The following BACE2 variants were observed in gnomAD, a reference collection of about 807,000 sequenced individuals.
BACE2 encodes 56 kDa aspartic-like protease.
BACE2 carries 17 observed loss-of-function variants against 46.2 expected under a neutral mutation model. The observed-to-expected ratio is 0.37, with a 90% confidence interval of 0.25 to 0.55. The LOEUF (loss-of-function observed/expected upper bound fraction) is 0.55. Ranked by LOEUF, BACE2 falls within the 20% of genes least tolerant of loss-of-function variation. The pLI is 0.82. For missense variants in BACE2, 595 were observed against 698.1 expected (o/e 0.85, Z 1.66); for synonymous variants, 277 against 295.9 (o/e 0.94, Z 0.66).
At chr21:41,230,705 G>A (rs1329522726) in intron 2 of BACE2, among the ~76,000 whole-genome samples, 2 of 152,128 alleles carry the variant, frequency 1.3e-5, no homozygotes, top group African/African-American at 4.8e-5. Flanking sequence ...GGGGTTCTTT[G>A]ACAAGATCTC....
At chr21:41,270,244 C>T (rs1057025133) in intron 8 of BACE2, among the ~76,000 whole-genome samples, 1 of 152,136 alleles carries the variant, frequency 6.6e-6, no homozygotes, top group Non-Finnish European at 1.5e-5. Context: ...AGTCCTTTAT[C>T]AGAAATTTGG....
chr21:41,264,185 G>A (rs962619030), intron 8 of BACE2, among the ~76,000 whole-genome samples: 4 of 150,032 alleles, frequency 2.7e-5, no homozygotes, highest in African/African-American at 9.8e-5. Flanking sequence ...ATTGTTTTTG[G>A]ATTCTTTAAT....
intron 1 of BACE2, among the ~76,000 whole-genome samples, chr21:41,185,485 G>C (rs905317428): frequency 6.6e-6 from 1 of 152,238 alleles, no homozygotes; most frequent in South Asian, 2.1e-4. Context: ...CAATTCCTTT[G>C]ACCAAGAGCA....
chr21:41,263,462 C>A (rs908684047), intron 8 of BACE2, among the ~76,000 whole-genome samples: 1 of 152,156 alleles, frequency 6.6e-6, no homozygotes, highest in African/African-American at 2.4e-5. Flanking sequence ...AACAGATGAA[C>A]AATTGTTGAC....
In BACE2 at chr21:41,243,547, T is replaced by C; in HGVS notation, c.882+37T>C. The C allele has an allele frequency of 1.9e-6, 3 of 1,570,784 alleles. 1 individual carries two copies. The highest frequency in any genetic ancestry group is 3.4e-4 in the Middle Eastern group (2 of 5,902). The stretch of plus-strand genomic sequence containing the variant: ...ATGGTCTCTGTTGTGTCTTTCTGTG[T>C]ATGTCTGGGTCCCTTAAATATGCCA... On this transcript the variant is annotated intron_variant, in intron 5 of 8. Coordinates refer to ENST00000330333, the MANE Select transcript of BACE2 (RefSeq NM_012105.5).
intron 1 of BACE2, among the ~76,000 whole-genome samples, chr21:41,174,105 C>G (rs1193106268): frequency 1.4e-5 from 2 of 140,758 alleles, no homozygotes; most frequent in Non-Finnish European, 3.0e-5. Context: ...GGAATGATCC[C>G]AAAATGATAA....
In BACE2 at chr21:41,237,649, A is replaced by G; in HGVS notation, c.538A>G (p.Ile180Val). 1 of 1,614,164 alleles carries G rather than the reference A, an allele frequency of 6.2e-7. No individual in the cohort carries two copies. The highest frequency in any genetic ancestry group is 1.1e-5 in the South Asian group (1 of 91,086). ...NTSFLVNIATIFESENFFLPG... is the reference protein window; with the variant it reads ...NTSFLVNIATVFESENFFLPG... ...TTCTTTTCTTGTCAACATTGCCACT[A>G]TTTTTGAATCAGAGAATTTCTTTTT... Residue 180 changes from isoleucine (I) to valine (V), a missense_variant, in exon 3 of 9, where the codon ATT becomes GTT. Around this residue, in one of 3 missense-constraint regions of BACE2, gnomAD observed 248 missense variants for 261.4 expected, o/e 0.95. Transcript: ENST00000330333.
intron 6 of BACE2, among the ~76,000 whole-genome samples, chr21:41,249,479 T>C (rs757148027): frequency 3.3e-5 from 5 of 152,184 alleles, no homozygotes; most frequent in Non-Finnish European, 7.4e-5. Flanking sequence ...CCTCTGCAGA[T>C]GAAATGTGGT....
intron 1 of BACE2, among the ~76,000 whole-genome samples, chr21:41,188,029 A>G (rs1433331173): frequency 2.6e-5 from 4 of 152,224 alleles, no homozygotes; most frequent in African/African-American, 9.6e-5. Context: ...TAATATTGTT[A>G]TCATCCTTCC....
At chr21:41,242,089 A>G in intron 4 of BACE2, 142 bp downstream of exon 4, 1 of 1,117,462 alleles carries the variant, frequency 8.9e-7, no homozygotes, top group Non-Finnish European at 1.3e-6. Flanking sequence ...CTTGTAGTAG[A>G]TCTTTTTAGA....
intron 1 of BACE2, among the ~76,000 whole-genome samples, chr21:41,199,489 CG>C (rs1568864903): frequency 1.3e-5 from 2 of 152,124 alleles, no homozygotes; most frequent in Non-Finnish European, 1.5e-5. Context: ...CTGGGTGCCC[CG>C]GGGAAAGTAG....
At chr21:41,234,975 G>A (rs897240808) in intron 2 of BACE2, among the ~76,000 whole-genome samples, 4 of 152,174 alleles carry the variant, frequency 2.6e-5, no homozygotes, top group African/African-American at 9.7e-5. Context: ...AGTGAACCAA[G>A]ATAGTAGGCA....
rs2088540777 is a variant in BACE2, at chr21:41,280,878, C to T, written c.*5254C>T. ...AAATTGTACTGTGTAACTTTTACATCACACTTGTGTGCTTAAAAAGCACAC... is the reference window on the plus strand; with the variant it reads ...AAATTGTACTGTGTAACTTTTACATTACACTTGTGTGCTTAAAAAGCACAC... On this transcript the variant is annotated 3_prime_UTR_variant, in exon 9 of 9. Transcript: ENST00000330333. 6.6e-6 allele frequency: 1 copy of T among 152,264 alleles called. No homozygotes were observed. Among genetic ancestry groups the T allele is most frequent in the Non-Finnish European group, 1.5e-5 (1 of 68,050 alleles). 9.4% of individuals were successfully genotyped at this position (152,264 alleles called of 1,614,324 possible). A position where few individuals can be genotyped will look rare whatever the true frequency, so the allele number is the denominator to read the frequency against.
rs9983699 is a variant in BACE2 at position 41,244,552 on chromosome 21, T to C, written c.882+1042T>C. On this transcript the variant is annotated intron_variant, in intron 5 of 8. Transcript: ENST00000330333. ...TAATGTCATCAGTTAAGGCAGGGAC[T>C]GGCCATTTTCACTTCTTTTGTGGTG... 1.5e-3 allele frequency among the ~76,000 whole-genome samples: 105 copies of C among 71,844 alleles called. 1 individual carries two copies. Among genetic ancestry groups the C allele is most frequent in the Admixed American group, 4.2e-3 (32 of 7,562 alleles). 47.1% of individuals were successfully genotyped at this position (71,844 alleles called of 152,430 possible).
chr21:41,192,787 G>A (rs150597817), intron 1 of BACE2, among the ~76,000 whole-genome samples: 5 of 152,332 alleles, frequency 3.3e-5, no homozygotes, highest in East Asian at 1.9e-4. Context: ...GCAGCCTTTC[G>A]GCTCACTCGA....
intron 8 of BACE2, among the ~76,000 whole-genome samples, chr21:41,272,453 T>A (rs1274630224): frequency 6.6e-6 from 1 of 152,120 alleles, no homozygotes; most frequent in African/African-American, 2.4e-5. Context: ...CTTGATATTG[T>A]CCACAGTTTA....
At chr21:41,251,010 A>G in intron 7 of BACE2, 109 bp downstream of exon 7, 1 of 1,127,062 alleles carries the variant, frequency 8.9e-7, no homozygotes, top group Non-Finnish European at 1.3e-6. Flanking sequence ...CTATCACCAC[A>G]ATAATGCTGC....
intron 5 of BACE2, among the ~76,000 whole-genome samples, chr21:41,244,379 CAG>C (rs1047938003): frequency 1.4e-4 from 21 of 152,180 alleles, no homozygotes; most frequent in African/African-American, 4.3e-4. Context: ...TGAAGGGAGA[CAG>C]GGGTGGGTCC....
chr21:41,170,188 G>C (rs931132190), intron 1 of BACE2, among the ~76,000 whole-genome samples: 2 of 143,838 alleles, frequency 1.4e-5, no homozygotes, highest in African/African-American at 5.3e-5. Flanking sequence ...CCTGAAGAAG[G>C]ACTAAAAAAT....
Sources: allele counts gnomAD v4.1 joint callset (sites outside exome capture counted in the v4.1 genomes callset), GRCh38; gene constraint gnomAD v4.1.1; regional missense constraint gnomAD v4.1.1; transcripts MANE v1.5; gene names NCBI Gene and HGNC (gene_info 2026-07-23, HGNC 2026-07-21).